FAM222B: variants seen among roughly 807,000 people sequenced by gnomAD.
FAM222B encodes the protein protein FAM222B.
A neutral mutation model predicts 38.0 loss-of-function variants in FAM222B; 12 were observed. The ratio of observed to expected loss-of-function variants is 0.32; its 90% CI spans 0.20 to 0.51. The LOEUF (loss-of-function observed/expected upper bound fraction) is 0.51, where lower values mean the gene tolerates loss of function less well. Ranked by LOEUF, FAM222B falls within the 20% of genes least tolerant of loss-of-function variation. The probability of loss-of-function intolerance (pLI) is 0.97; values close to 1 mark genes in which losing one functional copy is unlikely to be tolerated. For missense variants in FAM222B, 716 were observed against 754.2 expected (o/e 0.95, Z 0.59); for synonymous variants, 329 against 317.2 (o/e 1.04, Z -0.40).
At chr17:28,828,500 CA>C (rs1203745758) in intron 1 of FAM222B, among the ~76,000 whole-genome samples, 1 of 150,560 alleles carries the variant, frequency 6.6e-6, no homozygotes, top group Non-Finnish European at 1.5e-5. Context: ...AGCCCAAAGG[CA>C]TAGGTTGCAG....
intron 1 of FAM222B, among the ~76,000 whole-genome samples, chr17:28,824,647 A>G (rs2038374212): frequency 6.6e-6 from 1 of 152,168 alleles, no homozygotes; most frequent in Non-Finnish European, 1.5e-5. Flanking sequence ...TGTCAACTTC[A>G]CTTCCAAAAG....
At chr17:28,784,757 G>C (rs1597908549) in intron 1 of FAM222B, among the ~76,000 whole-genome samples, 1 of 152,006 alleles carries the variant, frequency 6.6e-6, no homozygotes, top group East Asian at 1.9e-4. Flanking sequence ...TTGAACCCAG[G>C]AGATGGAGGT....
intron 1 of FAM222B, among the ~76,000 whole-genome samples, chr17:28,826,403 G>A (rs933717443): frequency 1.3e-5 from 2 of 152,104 alleles, no homozygotes; most frequent in Non-Finnish European, 2.9e-5. Context: ...GTCTGTTGCT[G>A]GACAGGTTGG....
At chr17:28,843,383 C>T (rs1291145793), upstream of FAM222B, among the ~76,000 whole-genome samples, 1 of 150,608 alleles carries the variant, frequency 6.6e-6, no homozygotes, top group African/African-American at 2.4e-5. Flanking sequence ...GTGATCCACC[C>T]ACCTCAGCCT....
At chr17:28,791,668 C>G (rs1443393683) in intron 1 of FAM222B, among the ~76,000 whole-genome samples, 6 of 148,876 alleles carry the variant, frequency 4.0e-5, no homozygotes, top group Non-Finnish European at 5.9e-5. Flanking sequence ...ATCACTTGAG[C>G]CCAGGAATTT....
chr17:28,845,635 C>A (rs560729349), upstream of FAM222B, among the ~76,000 whole-genome samples: 1 of 151,914 alleles, frequency 6.6e-6, no homozygotes, highest in Admixed American at 6.6e-5. Flanking sequence ...GTGGGTCACA[C>A]CTGTAATCCC....
At chr17:28,804,526 G>A (rs2037389714) in intron 1 of FAM222B, among the ~76,000 whole-genome samples, 1 of 151,810 alleles carries the variant, frequency 6.6e-6, no homozygotes, top group African/African-American at 2.4e-5. Flanking sequence ...AGTAGAGAAG[G>A]GGTTTCACTA....
intron 1 of FAM222B, among the ~76,000 whole-genome samples, chr17:28,795,109 C>T (rs2036877176): frequency 6.6e-6 from 1 of 151,664 alleles, no homozygotes; most frequent in Non-Finnish European, 1.5e-5. Flanking sequence ...AAAAAAAAAC[C>T]CTAAAATTCC....
At chr17:28,762,279 A>C (rs1241270861) in intron 2 of FAM222B, 1 of 152,194 alleles carries the variant, frequency 6.6e-6, no homozygotes, top group South Asian at 2.1e-4. Flanking sequence ...AAGGGGTATC[A>C]TTCTGGGAAT....
intron 1 of FAM222B, among the ~76,000 whole-genome samples, chr17:28,791,980 C>T (rs2036711112): frequency 6.6e-6 from 1 of 151,182 alleles, no homozygotes; most frequent in South Asian, 2.1e-4. Context: ...AATTTGAGAC[C>T]ACCCTGGATA....
At chr17:28,809,797 G>C (rs1338256732) in intron 1 of FAM222B, among the ~76,000 whole-genome samples, 1 of 152,068 alleles carries the variant, frequency 6.6e-6, no homozygotes, top group Non-Finnish European at 1.5e-5. Flanking sequence ...AACAGAGCCA[G>C]ACCCTATTCT....
intron 1 of FAM222B, chr17:28,834,261 T>C (rs2038764411): frequency 6.6e-6 from 1 of 152,214 alleles, no homozygotes; most frequent in Non-Finnish European, 1.5e-5. Flanking sequence ...GAGTTACTTC[T>C]ACTTAAATAG....
At chr17:28,813,464 A>C (rs2037892654) in intron 1 of FAM222B, among the ~76,000 whole-genome samples, 1 of 152,122 alleles carries the variant, frequency 6.6e-6, no homozygotes, top group South Asian at 2.1e-4. Context: ...GTTGAAGAGG[A>C]TCTGATAATT....
intron 1 of FAM222B, among the ~76,000 whole-genome samples, chr17:28,803,903 C>A (rs902647045): frequency 9.2e-5 from 14 of 151,924 alleles, no homozygotes; most frequent in African/African-American, 3.4e-4. Flanking sequence ...ACTTTTTGAA[C>A]CTGGGAGGCA....
Position 28,758,630 on chromosome 17 carries a change from G to A in FAM222B, c.1329C>T (p.Ala443=). ...PPVNGMAAPL[A]YPNGHYFQPL... is the part of the protein sequence containing the mutation. ...GTTGGAAGTAGTGACCATTGGGGTAGGCCAATGGGGCTGCCATGCCGTTGA... is the reference window on the plus strand; with the variant it reads ...GTTGGAAGTAGTGACCATTGGGGTAAGCCAATGGGGCTGCCATGCCGTTGA... Residue 443 remains alanine, a synonymous_variant, in exon 3 of 3, where the codon GCC becomes GCT. Coordinates refer to ENST00000581407, the MANE Select transcript of FAM222B (RefSeq NM_001077498.3). The A allele has an allele frequency of 6.2e-7, 1 of 1,611,614 alleles. No homozygotes were observed. Among genetic ancestry groups the A allele is most frequent in the Non-Finnish European group, 8.5e-7 (1 of 1,179,608 alleles).
intron 1 of FAM222B, among the ~76,000 whole-genome samples, chr17:28,794,058 T>A (rs535985940): frequency 6.6e-6 from 1 of 151,862 alleles, no homozygotes; most frequent in South Asian, 2.1e-4. Flanking sequence ...TCAACCAAAT[T>A]TTTATGCAGC....
chr17:28,844,107 C>T (rs1489309948), upstream of FAM222B, among the ~76,000 whole-genome samples: 1 of 152,170 alleles, frequency 6.6e-6, no homozygotes, highest in Non-Finnish European at 1.5e-5. Context: ...CCCTAGACTA[C>T]TGTGCTGCTT....
At chr17:28,771,851 G>C (rs1377163021) in intron 1 of FAM222B, among the ~76,000 whole-genome samples, 1 of 152,078 alleles carries the variant, frequency 6.6e-6, no homozygotes, top group South Asian at 2.1e-4. Flanking sequence ...TCAGGAGATC[G>C]AGACTATCCT....
At chr17:28,821,322 A>G (rs1397623797) in intron 1 of FAM222B, among the ~76,000 whole-genome samples, 1 of 152,216 alleles carries the variant, frequency 6.6e-6, no homozygotes, top group African/African-American at 2.4e-5. Context: ...CCTCCTCAAA[A>G]GGAATTTAAG....
Sources: allele counts gnomAD v4.1 joint callset (sites outside exome capture counted in the v4.1 genomes callset), GRCh38; gene constraint gnomAD v4.1.1; transcripts MANE v1.5; gene names NCBI Gene and HGNC (gene_info 2026-07-23, HGNC 2026-07-21).